Variants in PABPC4L observed in about 807,000 individuals in gnomAD.
PABPC4L encodes the protein poly(A) binding protein cytoplasmic 4 like, also known as polyadenylate-binding protein 4-like.
For synonymous variants in PABPC4L, 169 were observed against 164.1 expected (o/e 1.03, Z -0.23); for missense variants, 452 against 451.4 (o/e 1.00, Z -0.01).
At chr4:134,122,272 A>T in the PABPC4L span, among the ~76,000 whole-genome samples, 1 of 151,842 alleles carries the variant, frequency 6.6e-6, no homozygotes, top group Non-Finnish European at 1.5e-5. Flanking sequence ...TTTTGCACAT[A>T]TGACTGTATT....
the PABPC4L span, among the ~76,000 whole-genome samples, chr4:134,099,839 A>G: frequency 3.3e-5 from 5 of 151,734 alleles, no homozygotes; most frequent in African/African-American, 1.2e-4. Context: ...GGTTGCTGCC[A>G]TTCAAATGAA....
At chr4:134,020,225 C>T in the PABPC4L span, among the ~76,000 whole-genome samples, 8 of 152,042 alleles carry the variant, frequency 5.3e-5, no homozygotes, top group South Asian at 4.1e-4. Flanking sequence ...ACAGCTATTC[C>T]GTAGATAGAG....
At chr4:134,164,262 CAAAAAAAAAA>C in the PABPC4L span, among the ~76,000 whole-genome samples, 6 of 34,180 alleles carry the variant, frequency 1.8e-4, no homozygotes, top group Admixed American at 1.5e-3. Context: ...GACTCCGTCT[CAAAAAAAAAA>C]AAAAAAAAAA....
chr4:134,176,520 A>G, the PABPC4L span, among the ~76,000 whole-genome samples: 1 of 152,086 alleles, frequency 6.6e-6, no homozygotes, highest in African/African-American at 2.4e-5. Context: ...AAATGTAGAA[A>G]CACTTAAAAA....
rs373992035 is a variant in PABPC4L, at chr4:134,199,956, C to A, written c.1064G>T (p.Arg355Leu). Reference sequence around the variant, plus strand: ...GCTAAGAGGTTTGGAGCCCAAGATGCGGCCATTCATCTCAGTCATTGCTTT... The same window carrying A: ...GCTAAGAGGTTTGGAGCCCAAGATGAGGCCATTCATCTCAGTCATTGCTTT... ...ATKAMTEMNGRILGSKPLSIA... is the reference protein window; with the variant it reads ...ATKAMTEMNGLILGSKPLSIA... The change falls in exon 2 of 2, where the codon CGC (arginine) becomes CTC (leucine). Residue 355 changes from arginine (R) to leucine (L), a missense_variant. Physicochemically the swap from Arg to Leu is moderately radical, Grantham distance 102. Coordinates refer to ENST00000421491, the MANE Select transcript of PABPC4L (RefSeq NM_001114734.2). 7 of 1,551,472 alleles carry A rather than the reference C, an allele frequency of 4.5e-6. No individual in the cohort carries two copies. The South Asian group carries it at 8.3e-5, about 18-fold the overall frequency.
the PABPC4L span, among the ~76,000 whole-genome samples, chr4:134,155,178 C>G: frequency 2.6e-5 from 4 of 151,948 alleles, no homozygotes; most frequent in South Asian, 4.1e-4. Flanking sequence ...ATAATTTATC[C>G]AGTACTTTAA....
At chr4:134,151,285 A>G in the PABPC4L span, among the ~76,000 whole-genome samples, 2 of 152,158 alleles carry the variant, frequency 1.3e-5, no homozygotes, top group Admixed American at 6.5e-5. Flanking sequence ...ACGGTTAAAA[A>G]TAAAAAATAA....
the PABPC4L span, among the ~76,000 whole-genome samples, chr4:134,129,226 G>GTT: frequency 6.6e-6 from 1 of 152,002 alleles, no homozygotes; most frequent in African/African-American, 2.4e-5. Flanking sequence ...TAATAATAGT[G>GTT]GGGGACTTTA....
At chr4:134,120,657 T>C in the PABPC4L span, among the ~76,000 whole-genome samples, 1 of 151,386 alleles carries the variant, frequency 6.6e-6, no homozygotes, top group Non-Finnish European at 1.5e-5. Flanking sequence ...AACATGCTAT[T>C]ACATAATCTT....
chr4:134,171,960 G>A, the PABPC4L span, among the ~76,000 whole-genome samples: 1 of 151,546 alleles, frequency 6.6e-6, no homozygotes, highest in Non-Finnish European at 1.5e-5. Context: ...CACCTAACAG[G>A]GGCATGAAAT....
At chr4:134,133,179 T>C in the PABPC4L span, among the ~76,000 whole-genome samples, 5 of 131,458 alleles carry the variant, frequency 3.8e-5, no homozygotes, top group African/African-American at 5.9e-5. Flanking sequence ...TATATGATTA[T>C]ATGTAAAGTG....
the PABPC4L span, among the ~76,000 whole-genome samples, chr4:134,086,370 C>T: frequency 6.6e-6 from 1 of 152,100 alleles, no homozygotes; most frequent in African/African-American, 2.4e-5. Context: ...CCCCTAAAGG[C>T]AGCACTTTGG....
chr4:134,191,179 G>A, the PABPC4L span, among the ~76,000 whole-genome samples: 3 of 152,068 alleles, frequency 2.0e-5, no homozygotes, highest in East Asian at 1.9e-4. Flanking sequence ...TAAAACTAAC[G>A]TGTTCTGCAG....
At chr4:134,041,119 G>T in the PABPC4L span, among the ~76,000 whole-genome samples, 384 of 152,258 alleles carry the variant, frequency 2.5e-3, 5 homozygotes, top group African/African-American at 8.6e-3. Context: ...CTTTTACACT[G>T]TTGGTGGCAG....
chr4:134,100,780 A>C, the PABPC4L span, among the ~76,000 whole-genome samples: 1 of 151,690 alleles, frequency 6.6e-6, no homozygotes, highest in East Asian at 1.9e-4. Flanking sequence ...TTACAGTTCA[A>C]ATTTTTCTCT....
chr4:134,022,224 T>G, the PABPC4L span, among the ~76,000 whole-genome samples: 3 of 152,180 alleles, frequency 2.0e-5, no homozygotes, highest in Non-Finnish European at 2.9e-5. Context: ...CCAGTTTTAA[T>G]ACTGTTTGCC....
chr4:133,988,053 C>T, the PABPC4L span, among the ~76,000 whole-genome samples: 5 of 152,116 alleles, frequency 3.3e-5, no homozygotes, highest in Non-Finnish European at 7.4e-5. Flanking sequence ...CACTGTCATG[C>T]AAATAGCATG....
chr4:134,174,712 A>G, the PABPC4L span, among the ~76,000 whole-genome samples: 1 of 152,100 alleles, frequency 6.6e-6, no homozygotes, highest in African/African-American at 2.4e-5. Flanking sequence ...GGCATTATCT[A>G]CGTAAGTATT....
the PABPC4L span, among the ~76,000 whole-genome samples, chr4:134,146,501 C>T: frequency 3.9e-5 from 6 of 151,998 alleles, no homozygotes; most frequent in Non-Finnish European, 5.9e-5. Flanking sequence ...GGAAATATTT[C>T]AGCTCTTTTA....
Sources: gnomAD v4.1 joint callset for allele counts (sites outside exome capture counted in the v4.1 genomes callset) on GRCh38, gnomAD v4.1.1 for gene constraint, MANE v1.5 for transcripts, NCBI Gene and HGNC (gene_info 2026-07-23, HGNC 2026-07-21) for gene names.